SLC24A3: variants seen among roughly 807,000 people sequenced by gnomAD.
SLC24A3 encodes sodium/potassium/calcium exchanger 3.
In SLC24A3, 28 loss-of-function variants were observed where a neutral mutation model predicts 75.8. The observed-to-expected ratio is 0.37, with a 90% confidence interval of 0.27 to 0.51. The LOEUF is 0.51. Ranked by LOEUF, SLC24A3 falls within the 20% of genes least tolerant of loss-of-function variation. SLC24A3 has a pLI of 0.94. For synonymous variants in SLC24A3, 372 were observed against 334.1 expected, an observed-to-expected ratio of 1.11 and a Z score of -1.24; for missense variants, 663 against 847.8, an observed-to-expected ratio of 0.78 and a Z score of 2.71.
intron 2 of SLC24A3, among the ~76,000 whole-genome samples, chr20:19,461,459 A>T (rs1987670856): frequency 6.6e-6 from 1 of 151,976 alleles, no homozygotes; most frequent in South Asian, 2.1e-4. Flanking sequence ...TAGTCTGTAT[A>T]TAATATGCAT....
intron 6 of SLC24A3, among the ~76,000 whole-genome samples, chr20:19,615,678 AG>A (rs753825802): frequency 6.6e-6 from 1 of 152,260 alleles, no homozygotes; most frequent in Non-Finnish European, 1.5e-5. Flanking sequence ...AGAACAAAAC[AG>A]GCAGAACAAG....
intron 2 of SLC24A3, among the ~76,000 whole-genome samples, chr20:19,343,069 CAAA>C (rs5840837): frequency 2.7e-5 from 2 of 73,758 alleles, no homozygotes; most frequent in Non-Finnish European, 2.4e-5. Context: ...GACTCCATCT[CAAA>C]AAAAAAAAAA....
chr20:19,503,584 A>C (rs1461935884), intron 2 of SLC24A3, among the ~76,000 whole-genome samples: 1 of 152,256 alleles, frequency 6.6e-6, no homozygotes, highest in Non-Finnish European at 1.5e-5. Flanking sequence ...GGTAACATAA[A>C]AGGAAAAATG....
intron 15 of SLC24A3, among the ~76,000 whole-genome samples, chr20:19,713,084 G>T (rs2033007454): frequency 6.6e-6 from 1 of 152,182 alleles, no homozygotes. Context: ...CAATTTTGTG[G>T]TGGGAATTTT....
intron 2 of SLC24A3, among the ~76,000 whole-genome samples, chr20:19,307,346 C>A (rs547493253): frequency 6.6e-6 from 1 of 152,302 alleles, no homozygotes; most frequent in South Asian, 2.1e-4. Flanking sequence ...ACTAGATGAT[C>A]TTTAAGGCTC....
chr20:19,410,090 C>T (rs1411561562), intron 2 of SLC24A3, among the ~76,000 whole-genome samples: 1 of 151,956 alleles, frequency 6.6e-6, no homozygotes, highest in Non-Finnish European at 1.5e-5. Context: ...TATTCAATTA[C>T]AGAACAAGAA....
chr20:19,655,289 A>G (rs1455859061), intron 7 of SLC24A3, among the ~76,000 whole-genome samples: 2 of 152,152 alleles, frequency 1.3e-5, no homozygotes, highest in Non-Finnish European at 2.9e-5. Context: ...TGGTGTCTCC[A>G]TAAAGAACAC....
chr20:19,710,279 G>A (rs1026708139), intron 15 of SLC24A3, among the ~76,000 whole-genome samples: 7 of 152,178 alleles, frequency 4.6e-5, no homozygotes, highest in African/African-American at 7.2e-5. Flanking sequence ...TAGGGTGGGG[G>A]TGTTGGCTCT....
chr20:19,610,356 C>T (rs1011268280), intron 6 of SLC24A3, among the ~76,000 whole-genome samples: 1 of 152,152 alleles, frequency 6.6e-6, no homozygotes, highest in Non-Finnish European at 1.5e-5. Context: ...ATGAGGTGGT[C>T]TACCCCACTC....
At chr20:19,286,942 C>A (rs1176800701) in intron 2 of SLC24A3, among the ~76,000 whole-genome samples, 1 of 152,152 alleles carries the variant, frequency 6.6e-6, no homozygotes, top group African/African-American at 2.4e-5. Context: ...GTAACTTGAA[C>A]TTCTTTCTGA....
intron 8 of SLC24A3, 111 bp from the exon 9 acceptor site, chr20:19,673,490 G>A (rs1164521963): frequency 6.9e-6 from 6 of 873,506 alleles, no homozygotes; most frequent in Non-Finnish European, 9.7e-6. Context: ...AGCACCGTCT[G>A]CCTTCTCCTT....
chr20:19,534,646 C>T (rs140260556), intron 3 of SLC24A3, among the ~76,000 whole-genome samples: 12 of 152,292 alleles, frequency 7.9e-5, no homozygotes, highest in East Asian at 1.9e-4. Flanking sequence ...CTCCTGACCT[C>T]GTGATCCACC....
intron 2 of SLC24A3, among the ~76,000 whole-genome samples, chr20:19,394,396 A>T (rs532547255): frequency 6.6e-6 from 1 of 152,218 alleles, no homozygotes; most frequent in Admixed American, 6.5e-5. Context: ...CAATTAAAAA[A>T]CACTATCAAC....
chr20:19,231,228 G>T (rs1370162681), intron 1 of SLC24A3, among the ~76,000 whole-genome samples: 1 of 152,152 alleles, frequency 6.6e-6, no homozygotes, highest in Non-Finnish European at 1.5e-5. Flanking sequence ...GGATATTTCT[G>T]CCAGGAAGTT....
chr20:19,459,829 G>A (rs966519437), intron 2 of SLC24A3, among the ~76,000 whole-genome samples: 1 of 152,178 alleles, frequency 6.6e-6, no homozygotes, highest in Non-Finnish European at 1.5e-5. Flanking sequence ...TTTGGACCAA[G>A]GCTGAGATGG....
intron 2 of SLC24A3, among the ~76,000 whole-genome samples, chr20:19,345,173 T>C (rs921224896): frequency 7.9e-5 from 12 of 152,172 alleles, no homozygotes; most frequent in African/African-American, 2.9e-4. Context: ...CTTTCCTATA[T>C]GCCAGGAATG....
Position 19,384,443 on chromosome 20 carries a change from C to G in SLC24A3, c.271+103356C>G, listed in dbSNP as rs1001598134. On this transcript the variant is annotated intron_variant, in intron 2 of 16. Coordinates refer to ENST00000328041, the MANE Select transcript of SLC24A3 (RefSeq NM_020689.4). Reference sequence around the variant, plus strand: ...TATCATTTGGGTTTGTCTTTCTGAGCTTGGCTTATTTCACTTAGCATAATG... The same window carrying G: ...TATCATTTGGGTTTGTCTTTCTGAGGTTGGCTTATTTCACTTAGCATAATG... 2.0e-5 allele frequency among the ~76,000 whole-genome samples: 3 copies of G among 152,156 alleles called. No individual in the cohort carries two copies. In the East Asian group the frequency reaches 5.8e-4, roughly 29 times the overall value.
intron 2 of SLC24A3, among the ~76,000 whole-genome samples, chr20:19,494,146 C>G (rs1243653229): frequency 1.3e-5 from 2 of 152,226 alleles, no homozygotes; most frequent in African/African-American, 4.8e-5. Flanking sequence ...CCCATGTGCC[C>G]AGCAGAGATG....
intron 2 of SLC24A3, among the ~76,000 whole-genome samples, chr20:19,424,958 C>A (rs1195663268): frequency 6.6e-6 from 1 of 151,990 alleles, no homozygotes; most frequent in Admixed American, 6.6e-5. Context: ...AGAGTCTGAT[C>A]AAGGAAGACA....
Sources: allele counts gnomAD v4.1 joint callset (sites outside exome capture counted in the v4.1 genomes callset), GRCh38; gene constraint gnomAD v4.1.1; transcripts MANE v1.5; gene names NCBI Gene and HGNC (gene_info 2026-07-23, HGNC 2026-07-21).